The following TRIM22 variants were observed in gnomAD, a reference collection of about 807,000 sequenced individuals.
TRIM22 encodes tripartite motif containing 22.
Under a neutral mutation model 53.6 loss-of-function variants are expected in TRIM22, and 45 were observed. The ratio of observed to expected loss-of-function variants is 0.84; its 90% CI spans 0.66 to 1.08. TRIM22 has a LOEUF of 1.08. Among genes scored for constraint, TRIM22 ranks in the 50% least tolerant of loss-of-function variants. TRIM22 has a pLI of 0.00. For missense variants in TRIM22, 616 were observed against 590.9 expected (o/e 1.04, Z -0.44); for synonymous variants, 225 against 216.6 (o/e 1.04, Z -0.34).
At chr11:5,706,904 T>C (rs1028841227) in intron 5 of TRIM22, among the ~76,000 whole-genome samples, 1 of 152,212 alleles carries the variant, frequency 6.6e-6, no homozygotes, top group African/African-American at 2.4e-5. Flanking sequence ...GTTGTTTCCA[T>C]ATTGCATAGA....
At chr11:5,698,285 T>G in intron 3 of TRIM22, 30 bp from the exon 4 acceptor site, 1 of 1,595,734 alleles carries the variant, frequency 6.3e-7, no homozygotes, top group South Asian at 1.1e-5. Context: ...CCAGCCAGAC[T>G]GACTGCCTCT....
At chr11:5,700,605 T>TTTTTTTTTTTTTGTTTTTTTG (rs369811867) in intron 4 of TRIM22, among the ~76,000 whole-genome samples, 1 of 92,870 alleles carries the variant, frequency 1.1e-5, no homozygotes, top group Admixed American at 1.3e-4. Flanking sequence ...TTTTTTTTTT[T>TTTTTTTTTTTTTGTTTTTTTG]CAGATTTGTA....
chr11:5,690,369 G>A (rs1196854833), intron 1 of TRIM22, among the ~76,000 whole-genome samples: 1 of 152,154 alleles, frequency 6.6e-6, no homozygotes, highest in Non-Finnish European at 1.5e-5. Context: ...CCATTGGCTG[G>A]AGTCGGCCAC....
chr11:5,706,732 A>G (rs1853462223), intron 5 of TRIM22, 116 bp downstream of exon 5: 1 of 1,106,864 alleles, frequency 9.0e-7, no homozygotes, highest in African/African-American at 1.6e-5. Flanking sequence ...AAATTTGTGT[A>G]TTAAATTGTC....
In TRIM22 at chr11:5,697,692, G is replaced by C. The variant is rs545785271; in HGVS notation, c.519+349G>C. 51 of 201,458 alleles carry C rather than the reference G, an allele frequency of 2.5e-4. 1 individual carries two copies. In the South Asian group the frequency reaches 6.4e-3, roughly 25 times the overall value. 12.5% of individuals were successfully genotyped at this position (201,458 alleles called of 1,614,324 possible). On this transcript the variant is annotated intron_variant, in intron 3 of 7. Coordinates refer to ENST00000379965, the MANE Select transcript of TRIM22 (RefSeq NM_006074.5). ...TCCCTGTTTAGGGGGTTTCAGTAGG[G>C]GGATTTTTTTGTTTGTTTGTTTGTT... is the stretch of plus-strand genomic sequence containing the variant.
Position 5,709,083 on chromosome 11 carries a change from C to A in TRIM22, c.932C>A (p.Thr311Asn), listed in dbSNP as rs1220105533. The change falls in exon 8 of 8, where the codon ACT (threonine) becomes AAT (asparagine). Residue 311 changes from threonine (T) to asparagine (N), a missense_variant. By Grantham distance (65) the Thr-to-Asn change is moderately conservative. Coordinates refer to ENST00000379965, the MANE Select transcript of TRIM22 (RefSeq NM_006074.5). ...VDVMLNPGSATSNVAISVDQR... is the reference protein window; with the variant it reads ...VDVMLNPGSANSNVAISVDQR... ...GTGATGCTGAATCCAGGCAGTGCCA[C>A]TTCGAATGTTGCTATTTCTGTGGAT... 1 of 1,613,722 alleles carries A rather than the reference C, an allele frequency of 6.2e-7. No homozygotes were observed. The highest frequency in any genetic ancestry group is 8.5e-7 in the Non-Finnish European group (1 of 1,179,694).
intron 1 of TRIM22, among the ~76,000 whole-genome samples, chr11:5,695,849 G>A (rs1853250357): frequency 6.6e-6 from 1 of 152,154 alleles, no homozygotes; most frequent in Non-Finnish European, 1.5e-5. Flanking sequence ...TGTGTTTTGG[G>A]TTGGGGAACA....
At chr11:5,705,626 T>C (rs1485530828) in intron 4 of TRIM22, among the ~76,000 whole-genome samples, 5 of 152,108 alleles carry the variant, frequency 3.3e-5, no homozygotes, top group Non-Finnish European at 7.4e-5. Flanking sequence ...ATCAAATATA[T>C]TGGTACATAC....
At chr11:5,708,480 G>T (rs1373326359) in intron 6 of TRIM22, 97 bp from the exon 7 acceptor site, 1 of 1,245,446 alleles carries the variant, frequency 8.0e-7, no homozygotes, top group Non-Finnish European at 1.1e-6. Flanking sequence ...AAGAATCCCA[G>T]TATTCCCCCT....
chr11:5,698,259 C>A, intron 3 of TRIM22, 56 bp from the exon 4 acceptor site: 1 of 1,445,686 alleles, frequency 6.9e-7, no homozygotes, highest in Non-Finnish European at 9.7e-7. Context: ...CAGGCTCATA[C>A]AAAGCAGGCC....
chr11:5,705,420 G>T (rs550817544), intron 4 of TRIM22, among the ~76,000 whole-genome samples: 7 of 152,278 alleles, frequency 4.6e-5, no homozygotes, highest in African/African-American at 1.7e-4. Flanking sequence ...TTAGTTTAAA[G>T]ATGTAGCTAT....
intron 1 of TRIM22, 54 bp from the exon 2 acceptor site, chr11:5,696,112 AG>A: frequency 1.2e-6 from 1 of 837,328 alleles, no homozygotes; most frequent in Non-Finnish European, 1.9e-6. Context: ...TCTCTGTAAA[AG>A]CAGTATTCTT....
In TRIM22 at chr11:5,689,903, A is replaced by G. The variant is rs1345052509; in HGVS notation, c.-67+4A>G. On this transcript the variant is annotated splice_donor_region_variant and intron_variant, in intron 1 of 7. Coordinates refer to ENST00000379965, the MANE Select transcript of TRIM22 (RefSeq NM_006074.5). ...ACTCCTCTGCTTTGGACTGAAGGTG[A>G]GTGGAGCAATCTGTGGGAGCATAGA... 2 of 152,240 alleles carry G rather than the reference A, an allele frequency of 1.3e-5. No homozygotes were observed. Among genetic ancestry groups the G allele is most frequent in the African/African-American group, 4.8e-5 (2 of 41,414 alleles). 9.4% of individuals were successfully genotyped at this position (152,240 alleles called of 1,614,324 possible).
At chr11:5,701,883 C>A (rs986278826) in intron 4 of TRIM22, among the ~76,000 whole-genome samples, 1 of 151,968 alleles carries the variant, frequency 6.6e-6, no homozygotes, top group Non-Finnish European at 1.5e-5. Context: ...GTTAGAGCAA[C>A]CCCAGAAAAT....
rs1464578235 is a variant in TRIM22 at position 5,696,413 on chromosome 11, A to G, written c.181A>G (p.Thr61Ala). ...GGAAAGCAGCTGTCCTGTGTGTCAG[A>G]CCAGATTCCAGCCTGGGAACCTCCG... is the stretch of plus-strand genomic sequence containing the variant. ...RGESSCPVCQ[T>A]RFQPGNLRPN... Residue 61 changes from threonine (T) to alanine (A), a missense_variant, in exon 2 of 8, where the codon ACC becomes GCC. Coordinates refer to ENST00000379965, the MANE Select transcript of TRIM22 (RefSeq NM_006074.5). The G allele has an allele frequency of 5.0e-6, 8 of 1,614,250 alleles. No homozygotes were observed. Among genetic ancestry groups the G allele is most frequent in the Non-Finnish European group, 6.8e-6 (8 of 1,180,050 alleles).
In TRIM22 at chr11:5,692,627, G is replaced by A. The variant is rs531223281; in HGVS notation, c.-67+2728G>A. 2.0e-5 allele frequency among the ~76,000 whole-genome samples: 3 copies of A among 152,218 alleles called. No individual in the cohort carries two copies. The South Asian group carries it at 6.2e-4, about 32-fold the overall frequency. ...CCTATTTTCTCCATTGGTAGTTCCT[G>A]ACCCAAGGAACAGGGGAAATTTAAA... On this transcript the variant is annotated intron_variant, in intron 1 of 7. Transcript: ENST00000379965.
intron 3 of TRIM22, 95 bp from the exon 4 acceptor site, chr11:5,698,220 C>G: frequency 3.0e-6 from 3 of 1,005,874 alleles, no homozygotes; most frequent in African/African-American, 3.2e-5. Flanking sequence ...TGAGAACTCC[C>G]TGAGGAAAAC....
At chr11:5,708,778 G>A (rs57181348) in intron 7 of TRIM22, among the ~76,000 whole-genome samples, 175 bp downstream of exon 7, 5,637 of 150,408 alleles carry the variant, frequency 0.037, 114 homozygotes, top group Middle Eastern at 0.088. Flanking sequence ...GTGCAATGGC[G>A]CGGTCTCGGC....
chr11:5,690,681 A>G (rs1853158995), intron 1 of TRIM22, among the ~76,000 whole-genome samples: 1 of 152,224 alleles, frequency 6.6e-6, no homozygotes, highest in Non-Finnish European at 1.5e-5. Flanking sequence ...ATCATACCCC[A>G]CATTCCTATT....
Sources: allele counts gnomAD v4.1 joint callset (sites outside exome capture counted in the v4.1 genomes callset), GRCh38; gene constraint gnomAD v4.1.1; transcripts MANE v1.5; gene names NCBI Gene and HGNC (gene_info 2026-07-23, HGNC 2026-07-21).